The following ADAMTS20 variants were observed in gnomAD, a reference collection of about 807,000 sequenced individuals.
ADAMTS20 encodes ADAM metallopeptidase with thrombospondin type 1 motif 20, also known as A disintegrin and metalloproteinase with thrombospondin motifs 20.
ADAMTS20 carries 225 observed loss-of-function variants against 260.1 expected under a neutral mutation model. The ratio of observed to expected loss-of-function variants is 0.87; its 90% CI spans 0.78 to 0.97. The LOEUF (loss-of-function observed/expected upper bound fraction) is 0.97, where lower values mean the gene tolerates loss of function less well. ADAMTS20 is among the 50% of genes least tolerant of loss of function. The pLI is 0.00. For missense variants in ADAMTS20, 2,400 were observed against 2,337.7 expected, an observed-to-expected ratio of 1.03 and a Z score of -0.55; for synonymous variants, 802 against 769.5, an observed-to-expected ratio of 1.04 and a Z score of -0.70.
intron 16 of ADAMTS20, 144 bp downstream of exon 16, chr12:43,443,647 T>A: frequency 1.7e-6 from 1 of 575,222 alleles, no homozygotes; most frequent in East Asian, 2.7e-5. Flanking sequence ...AGAACATATG[T>A]ATAGGGAGCG....
In ADAMTS20 at chr12:43,466,738, A is replaced by T; in HGVS notation, c.1281T>A (p.Tyr427Ter). Residue 427 changes from tyrosine (Y) to a stop codon, truncating the protein, a stop_gained, in exon 9 of 39, where the codon TAT becomes TAA. Coordinates refer to ENST00000389420, the MANE Select transcript of ADAMTS20 (RefSeq NM_025003.5). LOFTEE classifies it high-confidence loss of function. ...AACTTAAAGCAGGGGCCATTACATG[A>T]TACTTTGTAACTTTCATTTCTTTAC... is the stretch of plus-strand genomic sequence containing the variant. Reference protein sequence around the residue: ...PRCKEMKVTKYHVMAPALSFH... With the variant: ...PRCKEMKVTK 2 of 1,610,712 alleles carry T rather than the reference A, an allele frequency of 1.2e-6. No homozygotes were observed. The highest frequency in any genetic ancestry group is 1.7e-6 in the Non-Finnish European group (2 of 1,177,536).
At chr12:43,384,435 T>C (rs1940426336) in intron 29 of ADAMTS20, among the ~76,000 whole-genome samples, 1 of 152,198 alleles carries the variant, frequency 6.6e-6, no homozygotes, top group Non-Finnish European at 1.5e-5. Flanking sequence ...AGTTTGTACC[T>C]GTTATGGAAT....
At chr12:43,478,767 T>C (rs991030368) in intron 7 of ADAMTS20, among the ~76,000 whole-genome samples, 1 of 152,192 alleles carries the variant, frequency 6.6e-6, no homozygotes, top group African/African-American at 2.4e-5. Context: ...TAGAAAAATA[T>C]ATTTTGAAAA....
At chr12:43,434,119 T>A in intron 19 of ADAMTS20, 126 bp downstream of exon 19, 1 of 1,062,292 alleles carries the variant, frequency 9.4e-7, no homozygotes, top group Non-Finnish European at 1.3e-6. Flanking sequence ...GAGCCTGAAA[T>A]TTTTTCATGG....
chr12:43,414,451 T>C (rs1430213758), intron 28 of ADAMTS20, among the ~76,000 whole-genome samples: 1 of 152,082 alleles, frequency 6.6e-6, no homozygotes, highest in Non-Finnish European at 1.5e-5. Context: ...CTTCAATACA[T>C]ATATTTAACA....
intron 3 of ADAMTS20, among the ~76,000 whole-genome samples, chr12:43,508,093 C>T (rs1942871504): frequency 6.6e-6 from 1 of 152,008 alleles, no homozygotes; most frequent in South Asian, 2.1e-4. Context: ...CCCTGTGACA[C>T]AGGTTTACCT....
At chr12:43,459,706 T>TA (rs1942026558) in intron 11 of ADAMTS20, among the ~76,000 whole-genome samples, 1 of 152,200 alleles carries the variant, frequency 6.6e-6, no homozygotes, top group Non-Finnish European at 1.5e-5. Context: ...GCCAAGCTTA[T>TA]AGCAGTAAAA....
chr12:43,522,430 T>C (rs1030230402), intron 3 of ADAMTS20, among the ~76,000 whole-genome samples: 17 of 152,286 alleles, frequency 1.1e-4, no homozygotes, highest in Middle Eastern at 6.8e-3. Flanking sequence ...TCTAAAGACA[T>C]TTCATTTTCA....
intron 29 of ADAMTS20, among the ~76,000 whole-genome samples, chr12:43,393,970 T>C (rs1055193066): frequency 1.3e-5 from 2 of 152,106 alleles, no homozygotes; most frequent in African/African-American, 2.4e-5. Flanking sequence ...AGAATATTTT[T>C]TAAACTTTAA....
intron 3 of ADAMTS20, among the ~76,000 whole-genome samples, chr12:43,527,374 G>T (rs1218405766): frequency 1.3e-5 from 2 of 151,762 alleles, no homozygotes; most frequent in African/African-American, 4.8e-5. Context: ...CCAAAACCAG[G>T]AAATGACATA....
chr12:43,353,452 C>T (rs1939675961), downstream of ADAMTS20, among the ~76,000 whole-genome samples: 1 of 151,734 alleles, frequency 6.6e-6, no homozygotes, highest in African/African-American at 2.4e-5. Context: ...AGAATATTAA[C>T]ATTATAAAAA....
chr12:43,466,834 G>T (rs370325989), intron 8 of ADAMTS20, 39 bp from the exon 9 acceptor site: 268 of 1,426,300 alleles, frequency 1.9e-4, no homozygotes, highest in Middle Eastern at 4.0e-4. Flanking sequence ...AATATCAAAA[G>T]ATGCTTACGA....
chr12:43,525,528 T>G (rs759189865), intron 3 of ADAMTS20, among the ~76,000 whole-genome samples: 7 of 152,184 alleles, frequency 4.6e-5, no homozygotes, highest in Non-Finnish European at 1.0e-4. Context: ...ATCTCAATAT[T>G]ATGACTGAAA....
chr12:43,481,061 C>CA (rs1313936934), intron 7 of ADAMTS20, among the ~76,000 whole-genome samples: 2 of 152,006 alleles, frequency 1.3e-5, no homozygotes, highest in Non-Finnish European at 2.9e-5. Flanking sequence ...ATTTTACCCC[C>CA]AAAAATGTAT....
intron 7 of ADAMTS20, among the ~76,000 whole-genome samples, chr12:43,481,112 A>C (rs11182105): frequency 0.015 from 2,281 of 152,234 alleles, 53 homozygotes; most frequent in African/African-American, 0.051. Context: ...TTAATTTTAA[A>C]ATTCTATGGA....
downstream of ADAMTS20, among the ~76,000 whole-genome samples, chr12:43,352,767 G>T (rs1291000391): frequency 6.6e-6 from 1 of 151,766 alleles, no homozygotes; most frequent in African/African-American, 2.4e-5. Context: ...AAGTGCTAAT[G>T]AATCATAAAA....
At chr12:43,375,580 G>T in intron 35 of ADAMTS20, 68 bp from the exon 36 acceptor site, 2 of 1,545,874 alleles carry the variant, frequency 1.3e-6, no homozygotes, top group Non-Finnish European at 8.8e-7. Flanking sequence ...CAAACTTTGG[G>T]AGTAGAAAAA....
chr12:43,476,867 G>A (rs2137404978), intron 7 of ADAMTS20, among the ~76,000 whole-genome samples: 1 of 150,422 alleles, frequency 6.6e-6, no homozygotes, highest in South Asian at 2.1e-4. Context: ...AGGGGGGAGG[G>A]ATAGCATTGG....
intron 6 of ADAMTS20, among the ~76,000 whole-genome samples, chr12:43,492,225 A>G (rs1250167116): frequency 2.0e-5 from 3 of 151,684 alleles, no homozygotes; most frequent in Non-Finnish European, 4.4e-5. Context: ...CTAAAAATAC[A>G]AAAAATTAGC....
Sources: gnomAD v4.1 joint callset for allele counts (sites outside exome capture counted in the v4.1 genomes callset) on GRCh38, gnomAD v4.1.1 for gene constraint, MANE v1.5 for transcripts, NCBI Gene and HGNC (gene_info 2026-07-23, HGNC 2026-07-21) for gene names.